BPIFA2: variants seen among roughly 807,000 people sequenced by gnomAD.
The protein encoded by BPIFA2 is BPI fold-containing family A member 2.
In BPIFA2, 20 loss-of-function variants were observed where a neutral mutation model predicts 25.7. The ratio of observed to expected loss-of-function variants is 0.78; its 90% CI spans 0.55 to 1.13. The LOEUF (loss-of-function observed/expected upper bound fraction) is 1.13. Ranked by LOEUF, BPIFA2 falls within the 50% of genes most tolerant of loss-of-function variation. BPIFA2 has a pLI of 0.00. For synonymous variants in BPIFA2, 126 were observed against 124.3 expected, an observed-to-expected ratio of 1.01 and a Z score of -0.09; for missense variants, 300 against 298.1, an observed-to-expected ratio of 1.01 and a Z score of -0.05.
At chr20:33,172,342 A>G (rs767069935) in intron 2 of BPIFA2, among the ~76,000 whole-genome samples, 1 of 152,134 alleles carries the variant, frequency 6.6e-6, no homozygotes, top group Non-Finnish European at 1.5e-5. Flanking sequence ...CTACCATGGC[A>G]CATGTATACC....
intron 1 of BPIFA2, among the ~76,000 whole-genome samples, chr20:33,162,142 G>C (rs997379670): frequency 2.0e-5 from 3 of 152,102 alleles, no homozygotes; most frequent in Non-Finnish European, 4.4e-5. Context: ...CACCACACCC[G>C]GCTAATTTTT....
At chr20:33,180,475 T>A in intron 7 of BPIFA2, 45 bp from the exon 8 acceptor site, 2 of 1,586,408 alleles carry the variant, frequency 1.3e-6, no homozygotes, top group Non-Finnish European at 1.7e-6. Context: ...TCTATTCAAT[T>A]CCAGTGGCAG....
intron 1 of BPIFA2, among the ~76,000 whole-genome samples, chr20:33,162,391 T>G (rs1217557755): frequency 6.6e-6 from 1 of 152,136 alleles, no homozygotes; most frequent in Non-Finnish European, 1.5e-5. Context: ...TAGCCAGGAT[T>G]AGCACCGATT....
intron 2 of BPIFA2, among the ~76,000 whole-genome samples, chr20:33,170,567 C>T (rs1237760746): frequency 6.6e-6 from 1 of 152,058 alleles, no homozygotes; most frequent in Non-Finnish European, 1.5e-5. Flanking sequence ...CTAAGTTTTA[C>T]ATTTTTTGTA....
upstream of BPIFA2, among the ~76,000 whole-genome samples, chr20:33,167,657 C>G (rs191561211): frequency 7.8e-6 from 1 of 127,548 alleles, no homozygotes; most frequent in African/African-American, 3.1e-5. Context: ...CTGCACCTGC[C>G]GGGTGCAGAC....
upstream of BPIFA2, among the ~76,000 whole-genome samples, chr20:33,167,079 T>C (rs1983748393): frequency 6.6e-6 from 1 of 152,204 alleles, no homozygotes; most frequent in Non-Finnish European, 1.5e-5. Context: ...CTCTGTGCTG[T>C]AACAGTGGAG....
At chr20:33,176,346 G>A (rs897451918) in intron 5 of BPIFA2, among the ~76,000 whole-genome samples, 1 of 152,242 alleles carries the variant, frequency 6.6e-6, no homozygotes, top group Non-Finnish European at 1.5e-5. Context: ...GCCGATGGCT[G>A]GGAGAGGATG....
At chr20:33,175,852 C>T (rs547248701) in intron 5 of BPIFA2, among the ~76,000 whole-genome samples, 1 of 152,136 alleles carries the variant, frequency 6.6e-6, no homozygotes, top group Admixed American at 6.5e-5. Context: ...CTGGAACATG[C>T]TGCCTCTCTG....
intron 2 of BPIFA2, 149 bp downstream of exon 2, chr20:33,169,451 T>G (rs1381427647): frequency 1.4e-6 from 1 of 713,812 alleles, no homozygotes; most frequent in Non-Finnish European, 2.3e-6. Context: ...TTCGTTTATC[T>G]TTCTAGAAAC....
At chr20:33,167,680 G>A (rs531805627), upstream of BPIFA2, among the ~76,000 whole-genome samples, 5 of 17,784 alleles carry the variant, frequency 2.8e-4, no homozygotes, top group Non-Finnish European at 3.2e-4. Flanking sequence ...CTGGGGGCAG[G>A]ACCCCTGGGA....
intron 1 of BPIFA2, among the ~76,000 whole-genome samples, chr20:33,162,443 T>C (rs1011998146): frequency 6.6e-6 from 1 of 152,208 alleles, no homozygotes; most frequent in Admixed American, 6.5e-5. Flanking sequence ...GGCCATGCCT[T>C]GCCTAACATC....
intron 6 of BPIFA2, among the ~76,000 whole-genome samples, chr20:33,178,787 C>A (rs533314238): frequency 6.6e-6 from 1 of 152,086 alleles, no homozygotes; most frequent in Non-Finnish European, 1.5e-5. Context: ...CCCACTGAAC[C>A]GGAGTTTAGT....
chr20:33,168,754 C>T (rs1983800622), intron 1 of BPIFA2, among the ~76,000 whole-genome samples: 1 of 152,150 alleles, frequency 6.6e-6, no homozygotes, highest in Admixed American at 6.5e-5. Flanking sequence ...CAAGGTGGGA[C>T]TCCTCCAACC....
At chr20:33,170,015 G>C (rs552497629) in intron 2 of BPIFA2, among the ~76,000 whole-genome samples, 1 of 152,104 alleles carries the variant, frequency 6.6e-6, no homozygotes. Context: ...AGTTTTTGTA[G>C]GAGGAGGTAA....
At chr20:33,177,058 C>T (rs2033721647) in intron 5 of BPIFA2, among the ~76,000 whole-genome samples, 1 of 151,998 alleles carries the variant, frequency 6.6e-6, no homozygotes, top group Non-Finnish European at 1.5e-5. Flanking sequence ...TTCTTTCAGC[C>T]AAAAATGTAT....
chr20:33,178,277 G>A (rs1406952106), intron 6 of BPIFA2, 49 bp downstream of exon 6: 4 of 1,436,924 alleles, frequency 2.8e-6, no homozygotes, highest in Non-Finnish European at 2.9e-6. Context: ...GTGGGGGCAG[G>A]TGGGGGAATT....
At chr20:33,173,983 C>A in intron 3 of BPIFA2, 96 bp from the exon 4 acceptor site, 1 of 958,930 alleles carries the variant, frequency 1.0e-6, no homozygotes. Context: ...GCAAGGCTGA[C>A]GAGACCCAAA....
In BPIFA2 at chr20:33,175,389, G is replaced by A. The variant is rs1472101234; in HGVS notation, c.411-18G>A. On this transcript the variant is annotated intron_variant, in intron 4 of 8. Transcript: ENST00000354932. The stretch of plus-strand genomic sequence containing the variant: ...GGAACTTCTAGACTTTGTTCACTGT[G>A]CATCTTACTTCCTGCAGGCCCATCA... 6.2e-7 allele frequency: 1 copy of A among 1,611,544 alleles called. No individual in the cohort carries two copies. The highest frequency in any genetic ancestry group is 8.5e-7 in the Non-Finnish European group (1 of 1,178,550).
At chr20:33,180,788 T>C (rs1229728328) in intron 8 of BPIFA2, among the ~76,000 whole-genome samples, 191 bp downstream of exon 8, 1 of 152,216 alleles carries the variant, frequency 6.6e-6, no homozygotes, top group Non-Finnish European at 1.5e-5. Flanking sequence ...CACTGAACTC[T>C]GATTCTGGCC....
Sources: gnomAD v4.1 joint callset for allele counts (sites outside exome capture counted in the v4.1 genomes callset) on GRCh38, gnomAD v4.1.1 for gene constraint, MANE v1.5 for transcripts, NCBI Gene and HGNC (gene_info 2026-07-23, HGNC 2026-07-21) for gene names.